The following HIVEP3 variants were observed in gnomAD, a reference collection of about 807,000 sequenced individuals.
HIVEP3 encodes the protein transcription factor HIVEP3.
Under a neutral mutation model 152.8 loss-of-function variants are expected in HIVEP3, and 49 were observed. The ratio of observed to expected loss-of-function variants is 0.32; its 90% CI spans 0.26 to 0.41. HIVEP3 has a LOEUF of 0.41. Ranked by LOEUF, HIVEP3 falls within the 10% of genes least tolerant of loss-of-function variation. The pLI, the probability that HIVEP3 is intolerant of heterozygous loss-of-function variation, is 1.00. For missense variants in HIVEP3, 2,790 were observed against 3,103.3 expected, an observed-to-expected ratio of 0.90 and a Z score of 2.40; for synonymous variants, 1,269 against 1,289.0, an observed-to-expected ratio of 0.98 and a Z score of 0.33.
intron 1 of HIVEP3, among the ~76,000 whole-genome samples, chr1:41,882,026 C>A (rs1644269554): frequency 6.6e-6 from 1 of 152,190 alleles, no homozygotes; most frequent in South Asian, 2.1e-4. Flanking sequence ...CTCATAGGGG[C>A]AGTCAGTATA....
At chr1:41,714,595 A>T (rs1222053289) in intron 1 of HIVEP3, among the ~76,000 whole-genome samples, 1 of 152,168 alleles carries the variant, frequency 6.6e-6, no homozygotes, top group Non-Finnish European at 1.5e-5. Context: ...TAGCCAGGTC[A>T]GGGGACACAG....
intron 3 of HIVEP3, among the ~76,000 whole-genome samples, chr1:41,616,442 C>G (rs1332014993): frequency 6.6e-6 from 1 of 152,126 alleles, no homozygotes; most frequent in Non-Finnish European, 1.5e-5. Flanking sequence ...GAGGGACGCA[C>G]AGAGTCTCAG....
intron 1 of HIVEP3, among the ~76,000 whole-genome samples, chr1:41,814,948 C>T (rs1261283186): frequency 6.6e-6 from 1 of 152,186 alleles, no homozygotes; most frequent in African/African-American, 2.4e-5. Flanking sequence ...TTTGGAGATA[C>T]AGCAGTAATC....
Position 41,664,857 on chromosome 1 carries a change from C to T in HIVEP3, c.-720-35910G>A, listed in dbSNP as rs541104868. Among the ~76,000 whole-genome samples the T allele has an allele frequency of 5.3e-5, 8 of 152,176 alleles. No individual in the cohort carries two copies. Among genetic ancestry groups the T allele is most frequent in the Non-Finnish European group, 1.2e-4 (8 of 68,020 alleles). Reference sequence around the variant, plus strand: ...GCAGCCATCAGGGAGCCTGGGATATCCCCATGCCAACCCCCCAAAACACGG... The same window carrying T: ...GCAGCCATCAGGGAGCCTGGGATATTCCCATGCCAACCCCCCAAAACACGG... On this transcript the variant is annotated intron_variant, in intron 2 of 8. Transcript: ENST00000372583. The surrounding 1 kb of genome is among the most constrained non-coding windows in gnomAD (Gnocchi z 4.4).
intron 2 of HIVEP3, among the ~76,000 whole-genome samples, chr1:41,673,096 C>T (rs1195786894): frequency 1.3e-5 from 2 of 152,194 alleles, no homozygotes; most frequent in African/African-American, 4.8e-5. Context: ...TGGCGGTCCC[C>T]CTGCCCCCTC....
rs573160767 is a variant in HIVEP3, at chr1:41,584,296, G to A, written c.502C>T (p.Pro168Ser). Residue 168 changes from proline (P) to serine (S), a missense_variant, in exon 4 of 9, where the codon CCT becomes TCT. Transcript: ENST00000372583. The surrounding 1 kb of genome is among the most constrained non-coding windows in gnomAD (Gnocchi z 5.2). ...GTGGGCTTCAAGGAGACCTGGGAAG[G>A]ACGAGGCACGAAGACTTTGGGGACT... is the stretch of plus-strand genomic sequence containing the variant. ...PGVPKVFVPRPSQVSLKPTEE... is the reference protein window; with the variant it reads ...PGVPKVFVPRSSQVSLKPTEE... 6.8e-6 allele frequency: 11 copies of A among 1,613,866 alleles called. No individual in the cohort carries two copies. The South Asian group carries it at 8.8e-5, about 13-fold the overall frequency.
At chr1:41,821,451 G>A (rs548759975) in intron 1 of HIVEP3, among the ~76,000 whole-genome samples, 3 of 152,166 alleles carry the variant, frequency 2.0e-5, no homozygotes, top group South Asian at 4.2e-4. Context: ...GTCAAGCATC[G>A]GAGCAGATAT....
chr1:41,913,127 T>C, intron 1 of HIVEP3, among the ~76,000 whole-genome samples: 1 of 152,242 alleles, frequency 6.6e-6, no homozygotes. Flanking sequence ...TGAAAGAAAC[T>C]TAATTTCCTT....
chr1:41,746,304 C>G (rs979679198), intron 1 of HIVEP3, among the ~76,000 whole-genome samples: 3 of 152,192 alleles, frequency 2.0e-5, no homozygotes, highest in African/African-American at 7.2e-5. Flanking sequence ...TCCATCAACC[C>G]CGTTTGCTTC....
chr1:41,858,578 T>A (rs956800500), intron 1 of HIVEP3, among the ~76,000 whole-genome samples: 3 of 152,192 alleles, frequency 2.0e-5, no homozygotes, highest in Non-Finnish European at 4.4e-5. Flanking sequence ...TCCCACTGTC[T>A]CCAGTAACAC....
At chr1:41,676,717 C>T (rs571091850) in intron 2 of HIVEP3, among the ~76,000 whole-genome samples, 11 of 152,190 alleles carry the variant, frequency 7.2e-5, no homozygotes, top group Non-Finnish European at 1.3e-4. Flanking sequence ...ACTCCACTCT[C>T]AATTCAGGCA....
intron 5 of HIVEP3, among the ~76,000 whole-genome samples, chr1:41,552,189 G>A (rs1272469692): frequency 6.6e-6 from 1 of 152,146 alleles, no homozygotes; most frequent in Non-Finnish European, 1.5e-5. Flanking sequence ...TAGTTGTGCG[G>A]TTTTGAATGA....
chr1:41,604,441 T>C (rs1644789273), intron 3 of HIVEP3, among the ~76,000 whole-genome samples: 1 of 152,202 alleles, frequency 6.6e-6, no homozygotes, highest in Admixed American at 6.5e-5. Flanking sequence ...TGCCGTGTGA[T>C]GATGTGAATG....
intron 1 of HIVEP3, among the ~76,000 whole-genome samples, chr1:41,845,476 T>C (rs998017988): frequency 2.6e-5 from 4 of 151,608 alleles, no homozygotes; most frequent in Non-Finnish European, 2.9e-5. Flanking sequence ...TCTGCCCTTT[T>C]CTCTCTTCTT....
chr1:41,628,954 G>A lies in HIVEP3; in HGVS notation c.-720-7C>T. On this transcript the variant is annotated splice_region_variant and splice_polypyrimidine_tract_variant and intron_variant, in intron 2 of 8. Coordinates refer to ENST00000372583, the MANE Select transcript of HIVEP3 (RefSeq NM_024503.5). ...TGGGTTTGTGCCTCGAATCCTGCAG[G>A]AGATGATTGAGAAACATGGTCAAAG... The A allele has an allele frequency of 8.1e-7, 1 of 1,229,984 alleles. No homozygotes were observed. Among genetic ancestry groups the A allele is most frequent in the East Asian group, 3.2e-5 (1 of 31,658 alleles). 76.2% of individuals were successfully genotyped at this position (1,229,984 alleles called of 1,614,324 possible).
chr1:41,688,181 T>C (rs1192120580), intron 2 of HIVEP3, among the ~76,000 whole-genome samples: 1 of 152,198 alleles, frequency 6.6e-6, no homozygotes, highest in African/African-American at 2.4e-5. Flanking sequence ...CAAGCCGATC[T>C]TCTTCAGTTC....
At chr1:41,890,522 ATT>A (rs1430142155) in intron 1 of HIVEP3, among the ~76,000 whole-genome samples, 1 of 152,124 alleles carries the variant, frequency 6.6e-6, no homozygotes, top group Non-Finnish European at 1.5e-5. Context: ...ACCTGGGATT[ATT>A]GTGTGATGCT....
chr1:41,781,269 T>A (rs1203125298), intron 1 of HIVEP3, among the ~76,000 whole-genome samples: 2 of 152,174 alleles, frequency 1.3e-5, no homozygotes, highest in African/African-American at 4.8e-5. Context: ...AAGTTATCAT[T>A]GTGACAATGT....
chr1:41,795,636 C>CTTAT (rs757725981), intron 1 of HIVEP3, among the ~76,000 whole-genome samples: 2 of 152,060 alleles, frequency 1.3e-5, no homozygotes, highest in African/African-American at 4.8e-5. Flanking sequence ...ACTTTCTTCC[C>CTTAT]TTATTTATTT....
Sources: gnomAD v4.1 joint callset for allele counts (sites outside exome capture counted in the v4.1 genomes callset) on GRCh38, gnomAD v4.1.1 for gene constraint, Gnocchi (gnomAD v3.1) non-coding constraint, MANE v1.5 for transcripts, NCBI Gene and HGNC (gene_info 2026-07-23, HGNC 2026-07-21) for gene names.